The following COL24A1 variants were observed in gnomAD, a reference collection of about 807,000 sequenced individuals.
The protein encoded by COL24A1 is collagen alpha-1(XXIV) chain.
Under a neutral mutation model 253.9 loss-of-function variants are expected in COL24A1, and 224 were observed. The observed-to-expected ratio is 0.88, with a 90% CI of 0.79 to 0.99. The LOEUF (loss-of-function observed/expected upper bound fraction) is 0.99. COL24A1 is among the 50% of genes least tolerant of loss of function. The pLI is 0.00. For synonymous variants in COL24A1, 685 were observed against 673.7 expected (o/e 1.02, Z -0.26); for missense variants, 2,131 against 2,068.5 (o/e 1.03, Z -0.59).
intron 20 of COL24A1, among the ~76,000 whole-genome samples, chr1:85,981,000 A>G (rs1693201592): frequency 6.6e-6 from 1 of 152,228 alleles, no homozygotes; most frequent in African/African-American, 2.4e-5. Flanking sequence ...GAAATCATAG[A>G]TGACATAAGC....
intron 32 of COL24A1, among the ~76,000 whole-genome samples, chr1:85,885,715 T>C (rs981002214): frequency 6.6e-6 from 1 of 152,174 alleles, no homozygotes; most frequent in Non-Finnish European, 1.5e-5. Flanking sequence ...TGTTTTGAAA[T>C]GATTATCCTT....
chr1:85,796,971 C>T (rs1328298725), intron 47 of COL24A1, among the ~76,000 whole-genome samples: 6 of 151,204 alleles, frequency 4.0e-5, no homozygotes, highest in East Asian at 1.9e-4. Flanking sequence ...GAGGCTGAGG[C>T]GGGTGGATCA....
At chr1:85,789,406 T>C (rs1268980800) in intron 47 of COL24A1, among the ~76,000 whole-genome samples, 1 of 152,184 alleles carries the variant, frequency 6.6e-6, no homozygotes, top group Non-Finnish European at 1.5e-5. Context: ...TGAACATTGA[T>C]TTTGTATCCT....
At chr1:85,778,049 C>CTATCTATA (rs1668760201) in intron 52 of COL24A1, among the ~76,000 whole-genome samples, 1 of 151,854 alleles carries the variant, frequency 6.6e-6, no homozygotes, top group African/African-American at 2.4e-5. Context: ...ATCTATCTAT[C>CTATCTATA]TATCTATCTA....
chr1:85,885,397 A>ATATTTT (rs60994639), intron 32 of COL24A1, among the ~76,000 whole-genome samples: 4 of 128,912 alleles, frequency 3.1e-5, no homozygotes, highest in African/African-American at 8.7e-5. Context: ...ATATATATAT[A>ATATTTT]TTTTTTTTTT....
chr1:86,017,206 TA>T lies in COL24A1; in HGVS notation c.2257-3del. 6.4e-7 allele frequency: 1 copy of T among 1,558,588 alleles called. No individual in the cohort carries two copies. ...GAGTCCTGGGTCACCTGTTTGGCCC[TA>T]AAATGGGGGGGGAGGATCAAAGTAT... On this transcript the variant is annotated splice_region_variant and splice_polypyrimidine_tract_variant and intron_variant, in intron 18 of 59. Coordinates refer to ENST00000370571, the MANE Select transcript of COL24A1 (RefSeq NM_152890.7).
intron 3 of COL24A1, among the ~76,000 whole-genome samples, chr1:86,120,055 T>C (rs1406979964): frequency 6.6e-6 from 1 of 152,200 alleles, no homozygotes; most frequent in African/African-American, 2.4e-5. Flanking sequence ...GATTCCCTAT[T>C]TAATAAATGA....
chr1:85,789,732 C>T (rs1670067454), intron 47 of COL24A1, among the ~76,000 whole-genome samples: 1 of 151,980 alleles, frequency 6.6e-6, no homozygotes, highest in Admixed American at 6.6e-5. Context: ...TCTGTCAATA[C>T]CTAGTTTATT....
At chr1:85,773,292 G>A (rs2101376010) in intron 53 of COL24A1, among the ~76,000 whole-genome samples, 1 of 152,292 alleles carries the variant, frequency 6.6e-6, no homozygotes, top group African/African-American at 2.4e-5. Context: ...AAAGTTTGAA[G>A]TCAGGTAGTG....
rs572377844 is a variant in COL24A1 at position 86,036,424 on chromosome 1, T to G, written c.1951-2501A>C. On this transcript the variant is annotated intron_variant, in intron 12 of 59. Coordinates refer to ENST00000370571, the MANE Select transcript of COL24A1 (RefSeq NM_152890.7). ...TTATCAATTTTTGAAATAATTTCTA[T>G]GAAATCTAGACACTTCTTGTTTTAT... 7.0e-4 allele frequency among the ~76,000 whole-genome samples: 105 copies of G among 150,434 alleles called. 1 individual carries two copies. Among genetic ancestry groups the G allele is most frequent in the African/African-American group, 2.4e-3 (100 of 41,350 alleles).
chr1:85,863,805 C>T (rs1266860741), intron 37 of COL24A1, among the ~76,000 whole-genome samples: 3 of 152,192 alleles, frequency 2.0e-5, no homozygotes, highest in Non-Finnish European at 4.4e-5. Flanking sequence ...CAATGCTCAT[C>T]ATCACTGGCC....
chr1:86,098,321 AGAAAG>A (rs1161185695), intron 5 of COL24A1, among the ~76,000 whole-genome samples: 2 of 152,202 alleles, frequency 1.3e-5, no homozygotes, highest in South Asian at 2.1e-4. Context: ...AGCAAGAGAA[AGAAAG>A]GAAAGGAAAG....
chr1:86,064,144 A>C (rs1244102437), intron 7 of COL24A1, among the ~76,000 whole-genome samples: 1 of 152,116 alleles, frequency 6.6e-6, no homozygotes, highest in Non-Finnish European at 1.5e-5. Flanking sequence ...GTGCTAAGAC[A>C]AATGGCCTCA....
chr1:85,840,524 C>T (rs555896565), intron 42 of COL24A1, among the ~76,000 whole-genome samples: 1 of 152,166 alleles, frequency 6.6e-6, no homozygotes, highest in African/African-American at 2.4e-5. Flanking sequence ...GATTGTTTTA[C>T]TCTATATAAT....
Position 86,048,260 on chromosome 1 carries a change from A to G in COL24A1, c.1906-1391T>C, listed in dbSNP as rs1213734689. On this transcript the variant is annotated intron_variant, in intron 11 of 59. Coordinates refer to ENST00000370571, the MANE Select transcript of COL24A1 (RefSeq NM_152890.7). ...AATATGCATGTAATGTACAATATTG[A>G]CTCCCAGAAATGACTTCTTTCCATT... Among the ~76,000 whole-genome samples the G allele has an allele frequency of 2.0e-5, 3 of 151,894 alleles. No homozygotes were observed. In the East Asian group the frequency reaches 5.8e-4, roughly 29 times the overall value.
chr1:85,995,268 T>C (rs924261932), intron 19 of COL24A1, among the ~76,000 whole-genome samples: 11 of 151,802 alleles, frequency 7.2e-5, no homozygotes, highest in Non-Finnish European at 1.2e-4. Flanking sequence ...TTTTTTTTTT[T>C]AGAGATGTGG....
At chr1:85,736,174 C>T in intron 58 of COL24A1, 1 of 389,492 alleles carries the variant, frequency 2.6e-6, no homozygotes, top group South Asian at 1.9e-5. Context: ...CAGAGCAGGC[C>T]CTCTGGTGGA....
At chr1:86,107,596 C>G (rs945275907) in intron 5 of COL24A1, among the ~76,000 whole-genome samples, 1 of 151,254 alleles carries the variant, frequency 6.6e-6, no homozygotes, top group African/African-American at 2.4e-5. Context: ...GTGCAGTGGC[C>G]CGATCTTGGC....
chr1:86,071,806 T>C (rs1054911306), intron 7 of COL24A1, among the ~76,000 whole-genome samples: 19 of 152,048 alleles, frequency 1.2e-4, no homozygotes, highest in Non-Finnish European at 2.4e-4. Context: ...CTTCAATACC[T>C]CCACTTTCAG....
Sources: allele counts gnomAD v4.1 joint callset (sites outside exome capture counted in the v4.1 genomes callset), GRCh38; gene constraint gnomAD v4.1.1; transcripts MANE v1.5; gene names NCBI Gene and HGNC (gene_info 2026-07-23, HGNC 2026-07-21).